The following ZC3H12B variants were observed in gnomAD, a reference collection of about 807,000 sequenced individuals.
ZC3H12B encodes the protein zinc finger CCCH-type containing 12B.
ZC3H12B carries 7 observed loss-of-function variants against 43.9 expected under a neutral mutation model. The ratio of observed to expected loss-of-function variants is 0.16; its 90% CI spans 0.09 to 0.30. The LOEUF (loss-of-function observed/expected upper bound fraction) is 0.30. Ranked by LOEUF, ZC3H12B falls within the 10% of genes least tolerant of loss-of-function variation. The pLI is 1.00. For missense variants in ZC3H12B, 475 were observed against 670.2 expected, an observed-to-expected ratio of 0.71 and a Z score of 3.22; for synonymous variants, 222 against 241.7, an observed-to-expected ratio of 0.92 and a Z score of 0.76.
chrX:65,365,418 A>T (rs1267221810), upstream of ZC3H12B, among the ~76,000 whole-genome samples: 1 of 111,012 alleles, frequency 9.0e-6, no homozygotes, highest in East Asian at 2.8e-4. Context: ...CATCCAGGCT[A>T]TCACCAATGA....
chrX:65,435,644 G>GGATA (rs34975614), intron 3 of ZC3H12B, among the ~76,000 whole-genome samples: 17,997 of 94,238 alleles, frequency 0.19, 1,618 homozygotes, highest in East Asian at 0.24. Flanking sequence ...AGAACCAATA[G>GGATA]GATAGATAGA....
chrX:65,286,503 G>T, the ZC3H12B span, among the ~76,000 whole-genome samples: 8 of 110,726 alleles, frequency 7.2e-5, no homozygotes, highest in African/African-American at 2.6e-4. Flanking sequence ...GCAAATATCA[G>T]TGATGCACAA....
the ZC3H12B span, among the ~76,000 whole-genome samples, chrX:65,141,699 C>T: frequency 1.8e-5 from 2 of 110,602 alleles, no homozygotes; most frequent in Admixed American, 1.9e-4. Flanking sequence ...CCAACATCCA[C>T]TGTGTCATTC....
the ZC3H12B span, among the ~76,000 whole-genome samples, chrX:65,262,310 C>A: frequency 9.0e-6 from 1 of 110,808 alleles, no homozygotes; most frequent in Non-Finnish European, 1.9e-5. Context: ...GAGTGAAAAA[C>A]CTTCAGTAGT....
At chrX:65,173,751 C>T in the ZC3H12B span, among the ~76,000 whole-genome samples, 1 of 111,808 alleles carries the variant, frequency 8.9e-6, no homozygotes, top group Non-Finnish European at 1.9e-5. Flanking sequence ...TTGAACCAGC[C>T]TTACATCCCA....
Position 65,502,688 on chromosome X carries a change from C to T in ZC3H12B, c.1990C>T (p.Gln664Ter). 8.3e-7 allele frequency: 1 copy of T among 1,210,141 alleles called. No homozygotes were observed. Among genetic ancestry groups the T allele is most frequent in the Non-Finnish European group, 1.1e-6 (1 of 894,800 alleles). The change falls in exon 5 of 5, where the codon CAG (glutamine) becomes TAG (stop). Residue 664 changes from glutamine (Q) to a stop codon, truncating the protein, a stop_gained. Coordinates refer to ENST00000338957, the Ensembl canonical transcript of ZC3H12B. LOFTEE classifies it high-confidence loss of function. ...AGTCCCCCACTTAGCTCTGCATGCC[C>T]AGCACCCATCAACTGGAACACGTTC... is the stretch of plus-strand genomic sequence containing the variant.
intron 2 of ZC3H12B, among the ~76,000 whole-genome samples, chrX:65,383,159 A>G (rs2066468197): frequency 8.9e-6 from 1 of 112,118 alleles, no homozygotes; most frequent in Admixed American, 9.5e-5. Context: ...ATCCTGAGCC[A>G]AAAGAACAGA....
the ZC3H12B span, among the ~76,000 whole-genome samples, chrX:65,084,494 G>A: frequency 1.8e-5 from 2 of 112,146 alleles, no homozygotes; most frequent in Non-Finnish European, 3.8e-5. Context: ...TGGCAAAGAG[G>A]CATATGATAA....
At chrX:65,485,606 T>C (rs2068115258), upstream of ZC3H12B, among the ~76,000 whole-genome samples, 1 of 112,053 alleles carries the variant, frequency 8.9e-6, no homozygotes, top group South Asian at 3.7e-4. Context: ...CTTTGAAACT[T>C]TTCTCCCCAA....
At chrX:65,344,500 G>C in the ZC3H12B span, among the ~76,000 whole-genome samples, 2 of 111,995 alleles carry the variant, frequency 1.8e-5, no homozygotes, top group Non-Finnish European at 3.8e-5. Flanking sequence ...ATGGTACTTG[G>C]ATAACTGGCA....
the ZC3H12B span, among the ~76,000 whole-genome samples, chrX:65,047,164 C>T: frequency 3.6e-5 from 4 of 111,304 alleles, no homozygotes; most frequent in African/African-American, 1.3e-4. Context: ...TAGATTTGCT[C>T]AATGCAGGGT....
the ZC3H12B span, among the ~76,000 whole-genome samples, chrX:65,102,729 A>G: frequency 9.0e-6 from 1 of 111,546 alleles, no homozygotes; most frequent in Non-Finnish European, 1.9e-5. Context: ...CTCAAGTATC[A>G]GGGGAACCCG....
the ZC3H12B span, among the ~76,000 whole-genome samples, chrX:65,092,849 C>T: frequency 8.9e-6 from 1 of 112,171 alleles, no homozygotes; most frequent in South Asian, 3.7e-4. Flanking sequence ...GAGTTCATGG[C>T]AGCTGCAGAA....
At chrX:65,121,417 G>A in the ZC3H12B span, among the ~76,000 whole-genome samples, 2 of 111,583 alleles carry the variant, frequency 1.8e-5, no homozygotes, top group African/African-American at 3.3e-5. Flanking sequence ...ATTTCTTCTC[G>A]ATTTTCTAGT....
At chrX:65,104,654 AAAG>A in the ZC3H12B span, among the ~76,000 whole-genome samples, 1 of 112,396 alleles carries the variant, frequency 8.9e-6, no homozygotes, top group Non-Finnish European at 1.9e-5. Context: ...CATATGAAAA[AAAG>A]CTCATTATCA....
chrX:65,142,482 T>C, the ZC3H12B span, among the ~76,000 whole-genome samples: 10 of 112,538 alleles, frequency 8.9e-5, no homozygotes, highest in African/African-American at 3.2e-4. Context: ...ACTGTTCCTT[T>C]TTCTGTGCAA....
chrX:65,098,687 T>C, the ZC3H12B span, among the ~76,000 whole-genome samples: 4 of 110,694 alleles, frequency 3.6e-5, no homozygotes, highest in Non-Finnish European at 7.6e-5. Context: ...CATGAGGGAC[T>C]GTGCTATCTG....
chrX:65,170,890 C>A, the ZC3H12B span, among the ~76,000 whole-genome samples: 1 of 111,941 alleles, frequency 8.9e-6, no homozygotes, highest in Non-Finnish European at 1.9e-5. Flanking sequence ...TCCATCAGGT[C>A]ATTTAAGTTC....
intron 3 of ZC3H12B, among the ~76,000 whole-genome samples, chrX:65,480,162 C>T (rs2148211488): frequency 8.9e-6 from 1 of 112,469 alleles, no homozygotes; most frequent in Non-Finnish European, 1.9e-5. Context: ...CTTTCACTGT[C>T]ATTCCCACTG....
Sources: allele counts gnomAD v4.1 joint callset (sites outside exome capture counted in the v4.1 genomes callset), GRCh38; gene constraint gnomAD v4.1.1; transcripts MANE v1.5; gene names NCBI Gene and HGNC (gene_info 2026-07-23, HGNC 2026-07-21).